The following PCSK5 variants were observed in gnomAD, a reference collection of about 807,000 sequenced individuals.
PCSK5 encodes the protein prohormone convertase 5.
In PCSK5, 129 loss-of-function variants were observed where a neutral mutation model predicts 233.2. The observed-to-expected ratio is 0.55, with a 90% CI of 0.48 to 0.64. The LOEUF is 0.64. PCSK5 is among the 30% of genes least tolerant of loss of function. PCSK5 has a pLI of 0.00. For missense variants in PCSK5, 2,076 were observed against 2,430.1 expected, an observed-to-expected ratio of 0.85 and a Z score of 3.06; for synonymous variants, 825 against 879.2, an observed-to-expected ratio of 0.94 and a Z score of 1.09.
rs1272927198 is a variant in PCSK5 at position 76,053,064 on chromosome 9, A to T, written c.633-14891A>T. 5.3e-5 allele frequency among the ~76,000 whole-genome samples: 8 copies of T among 152,188 alleles called. No homozygotes were observed. In the East Asian group the frequency reaches 1.5e-3, roughly 29 times the overall value. Reference sequence around the variant, plus strand: ...GACAGTTCCGCCCCTGTGGCTTTGCAGGGTACAGCGCCCCTCCTGGAGGCT... The same window carrying T: ...GACAGTTCCGCCCCTGTGGCTTTGCTGGGTACAGCGCCCCTCCTGGAGGCT... On this transcript the variant is annotated intron_variant, in intron 5 of 37. Coordinates refer to ENST00000674117, the MANE Select transcript of PCSK5 (RefSeq NM_001372043.1).
At chr9:76,152,696 A>G (rs1431351461) in intron 10 of PCSK5, among the ~76,000 whole-genome samples, 2 of 152,222 alleles carry the variant, frequency 1.3e-5, no homozygotes, top group Non-Finnish European at 2.9e-5. Context: ...ACAGTCCACT[A>G]AAAGAGATGA....
chr9:76,255,534 T>C (rs1587809262), intron 24 of PCSK5, among the ~76,000 whole-genome samples: 1 of 152,180 alleles, frequency 6.6e-6, no homozygotes. Flanking sequence ...AAAATCCTTA[T>C]GATAGGCTAG....
At chr9:75,890,460 C>T (rs1418750087), upstream of PCSK5, among the ~76,000 whole-genome samples, 1 of 152,128 alleles carries the variant, frequency 6.6e-6, no homozygotes, top group Non-Finnish European at 1.5e-5. Flanking sequence ...TCTCGGAGCG[C>T]TCTTCTCAGT....
chr9:76,153,051 C>T (rs758595619), intron 10 of PCSK5, among the ~76,000 whole-genome samples: 28 of 152,144 alleles, frequency 1.8e-4, no homozygotes, highest in African/African-American at 2.9e-4. Flanking sequence ...CAAGATGAAA[C>T]GGCTTTCCTG....
In PCSK5 at chr9:76,158,965, C is replaced by A; in HGVS notation, c.1431-18C>A. 6.2e-7 allele frequency: 1 copy of A among 1,605,526 alleles called. No homozygotes were observed. Among genetic ancestry groups the A allele is most frequent in the South Asian group, 1.1e-5 (1 of 90,614 alleles). On this transcript the variant is annotated intron_variant, in intron 11 of 37. Coordinates refer to ENST00000674117, the MANE Select transcript of PCSK5 (RefSeq NM_001372043.1). Reference sequence around the variant, plus strand: ...TGTGATGTCATTTGCTCAAACTCTCCATCTCTCTCTGTTACAGGACAATCC... The same window carrying A: ...TGTGATGTCATTTGCTCAAACTCTCAATCTCTCTCTGTTACAGGACAATCC...
intron 8 of PCSK5, among the ~76,000 whole-genome samples, chr9:76,097,420 C>T (rs985993979): frequency 1.4e-5 from 2 of 144,228 alleles, no homozygotes; most frequent in East Asian, 2.1e-4. Flanking sequence ...CCACCGCGCC[C>T]GGCTAATTTT....
At chr9:76,341,483 G>A (rs1027412664) in intron 35 of PCSK5, among the ~76,000 whole-genome samples, 2 of 151,848 alleles carry the variant, frequency 1.3e-5, no homozygotes, top group Admixed American at 6.6e-5. Flanking sequence ...TAATAGAGAC[G>A]ATGTCTCGCC....
chr9:76,164,570 G>A (rs1823016955), intron 12 of PCSK5, among the ~76,000 whole-genome samples: 1 of 152,142 alleles, frequency 6.6e-6, no homozygotes, highest in Non-Finnish European at 1.5e-5. Context: ...CTCCCAAAAA[G>A]TCTAATTCTA....
intron 22 of PCSK5, among the ~76,000 whole-genome samples, chr9:76,235,234 G>A (rs1311595657): frequency 1.3e-5 from 2 of 152,168 alleles, no homozygotes; most frequent in South Asian, 4.2e-4. Context: ...TTCAAGTCCC[G>A]CCTTTGTTAC....
Position 76,089,107 on chromosome 9 carries a change from G to A in PCSK5, c.895-6783G>A, listed in dbSNP as rs77565580. Among the ~76,000 whole-genome samples, 47 of 152,228 alleles carry A rather than the reference G, an allele frequency of 3.1e-4. No homozygotes were observed. In the East Asian group the frequency reaches 7.5e-3, roughly 24 times the overall value. ...TTAGCTACTAAGTCATTAGTAGTAA[G>A]TGTCCTTGTCTCTCTCCAACTTCTT... On this transcript the variant is annotated intron_variant, in intron 7 of 37. Transcript: ENST00000674117.
chr9:76,256,485 T>G (rs1826986156), intron 24 of PCSK5, among the ~76,000 whole-genome samples: 1 of 152,080 alleles, frequency 6.6e-6, no homozygotes, highest in African/African-American at 2.4e-5. Context: ...TCGAAAGCAA[T>G]GTGGGGTCTG....
intron 33 of PCSK5, among the ~76,000 whole-genome samples, chr9:76,329,189 G>A (rs1168017583): frequency 3.3e-5 from 5 of 151,850 alleles, no homozygotes; most frequent in Non-Finnish European, 5.9e-5. Flanking sequence ...CTGTTGGAGT[G>A]CAGTGGCACG....
chr9:75,958,472 T>C (rs1249005201), intron 2 of PCSK5, among the ~76,000 whole-genome samples: 1 of 152,184 alleles, frequency 6.6e-6, no homozygotes, highest in East Asian at 1.9e-4. Flanking sequence ...GTTTTCTGAG[T>C]ACCCATGTGT....
chr9:76,116,484 T>TGTA (rs748351491), intron 9 of PCSK5, among the ~76,000 whole-genome samples: 3 of 152,130 alleles, frequency 2.0e-5, no homozygotes, highest in East Asian at 3.9e-4. Context: ...CAGTAAAGAC[T>TGTA]GTAGTACATC....
chr9:76,249,885 C>T (rs976806077), intron 24 of PCSK5, among the ~76,000 whole-genome samples: 6 of 151,696 alleles, frequency 4.0e-5, no homozygotes, highest in Non-Finnish European at 7.4e-5. Flanking sequence ...AGATTATAAC[C>T]CAAAGAATAA....
At chr9:76,183,281 G>C (rs10746994) in intron 16 of PCSK5, among the ~76,000 whole-genome samples, 101,955 of 152,028 alleles carry the variant, frequency 0.67, 34,371 homozygotes, top group East Asian at 0.73. Flanking sequence ...TCAGCTACCA[G>C]GAAGTGTTGA....
chr9:75,937,387 C>T (rs535565851), intron 2 of PCSK5, among the ~76,000 whole-genome samples: 1 of 152,194 alleles, frequency 6.6e-6, no homozygotes, highest in East Asian at 1.9e-4. Context: ...CCATGTTAGT[C>T]AGGCTGGTCT....
chr9:76,112,063 A>G (rs1234775983), intron 9 of PCSK5, among the ~76,000 whole-genome samples: 1 of 152,212 alleles, frequency 6.6e-6, no homozygotes, highest in Non-Finnish European at 1.5e-5. Flanking sequence ...GGAATATTTC[A>G]TATGTAACAA....
intron 16 of PCSK5, among the ~76,000 whole-genome samples, chr9:76,181,906 G>A (rs900084597): frequency 6.6e-6 from 1 of 152,086 alleles, no homozygotes; most frequent in Non-Finnish European, 1.5e-5. Context: ...AAAGGCATAT[G>A]GAACAAGGTT....
Sources: allele counts gnomAD v4.1 joint callset (sites outside exome capture counted in the v4.1 genomes callset), GRCh38; gene constraint gnomAD v4.1.1; transcripts MANE v1.5; gene names NCBI Gene and HGNC (gene_info 2026-07-23, HGNC 2026-07-21).